The following EDIL3 variants were observed in gnomAD, a reference collection of about 807,000 sequenced individuals.
The protein encoded by EDIL3 is EGF-like repeat and discoidin I-like domain-containing protein 3.
Under a neutral mutation model 67.4 loss-of-function variants are expected in EDIL3, and 37 were observed. The ratio of observed to expected loss-of-function variants is 0.55; its 90% CI spans 0.42 to 0.72. The LOEUF (loss-of-function observed/expected upper bound fraction) is 0.72, where lower values mean the gene tolerates loss of function less well. EDIL3 is among the 30% of genes least tolerant of loss of function. The pLI is 0.00. For synonymous variants in EDIL3, 195 were observed against 196.3 expected (o/e 0.99, Z 0.05); for missense variants, 527 against 586.3 (o/e 0.90, Z 1.04).
At chr5:84,090,397 TG>T (rs1747144751) in intron 6 of EDIL3, among the ~76,000 whole-genome samples, 3 of 152,144 alleles carry the variant, frequency 2.0e-5, no homozygotes, top group African/African-American at 7.2e-5. Context: ...ACATCTTAGG[TG>T]AAGTATGTCT....
At chr5:84,148,474 T>C (rs1222133083) in intron 4 of EDIL3, among the ~76,000 whole-genome samples, 1 of 152,192 alleles carries the variant, frequency 6.6e-6, no homozygotes, top group Non-Finnish European at 1.5e-5. Flanking sequence ...TACTATTTTT[T>C]AAACTAACAC....
chr5:83,992,781 T>C (rs1225598757), intron 9 of EDIL3, among the ~76,000 whole-genome samples: 3 of 152,078 alleles, frequency 2.0e-5, no homozygotes, highest in East Asian at 3.9e-4. Context: ...AGAAATATCA[T>C]TGTAAACTAG....
At chr5:83,988,816 T>TA (rs1430840862) in intron 9 of EDIL3, among the ~76,000 whole-genome samples, 1 of 152,132 alleles carries the variant, frequency 6.6e-6, no homozygotes, top group African/African-American at 2.4e-5. Flanking sequence ...CTCCTGGAAA[T>TA]AAAATGATAC....
chr5:84,346,135 C>CTTTTTT (rs912729041), intron 1 of EDIL3, among the ~76,000 whole-genome samples: 5 of 122,894 alleles, frequency 4.1e-5, no homozygotes, highest in African/African-American at 9.2e-5. Context: ...CTTTTTTTTT[C>CTTTTTT]TTTTTTTTTT....
chr5:83,963,589 G>T (rs1369853617), intron 9 of EDIL3, among the ~76,000 whole-genome samples: 1 of 150,724 alleles, frequency 6.6e-6, no homozygotes, highest in Non-Finnish European at 1.5e-5. Flanking sequence ...CCATTTTGAA[G>T]TCAAATCATG....
chr5:84,138,045 A>C (rs1333009762), intron 4 of EDIL3, among the ~76,000 whole-genome samples: 1 of 152,228 alleles, frequency 6.6e-6, no homozygotes, highest in African/African-American at 2.4e-5. Flanking sequence ...CTAATTTTGG[A>C]CAACAGAGAA....
chr5:84,071,415 A>T (rs1427720242), intron 6 of EDIL3, among the ~76,000 whole-genome samples: 1 of 152,244 alleles, frequency 6.6e-6, no homozygotes, highest in Non-Finnish European at 1.5e-5. Context: ...TCTAATGGAG[A>T]ACAGATTCAG....
chr5:84,158,204 T>G (rs1023653361), intron 4 of EDIL3, among the ~76,000 whole-genome samples: 1 of 152,102 alleles, frequency 6.6e-6, no homozygotes, highest in African/African-American at 2.4e-5. Context: ...AGTAATATTT[T>G]GGCATTTTCA....
chr5:84,377,088 A>G (rs777414922), intron 1 of EDIL3, among the ~76,000 whole-genome samples: 2 of 152,160 alleles, frequency 1.3e-5, no homozygotes, highest in African/African-American at 2.4e-5. Context: ...GCACTTTGGG[A>G]GGCCAAGGCG....
chr5:84,169,365 C>A (rs1192119761), intron 4 of EDIL3, among the ~76,000 whole-genome samples: 1 of 151,984 alleles, frequency 6.6e-6, no homozygotes, highest in Non-Finnish European at 1.5e-5. Flanking sequence ...ATTGACATTA[C>A]TATGATAGTC....
At position 84,170,956 on chromosome 5, in the gene EDIL3, G is replaced by A. The variant is rs1215500782; in HGVS notation, c.355+9437C>T. ...ATTACAGGTGCCCACTACCATGGCT[G>A]GTTAATTTTTGTATTTTGAGGAGAG... On this transcript the variant is annotated intron_variant, in intron 4 of 10. Transcript: ENST00000296591. Among the ~76,000 whole-genome samples, 10 of 152,076 alleles carry A rather than the reference G, an allele frequency of 6.6e-5. 1 individual carries two copies. In the South Asian group the frequency reaches 2.1e-3, roughly 32 times the overall value.
At position 84,232,760 on chromosome 5, in the gene EDIL3, G is replaced by C. The variant is rs144446644; in HGVS notation, c.197-2876C>G. 6.3e-3 allele frequency among the ~76,000 whole-genome samples: 962 copies of C among 152,180 alleles called. 9 individuals are homozygous for C. The highest frequency in any genetic ancestry group is 0.021 in the African/African-American group (881 of 41,528). ...ACACTCATGAAGGCATATACACAAG[G>C]GTTACTATTGGTAATAATCCAGCTT... On this transcript the variant is annotated intron_variant, in intron 2 of 10. Coordinates refer to ENST00000296591, the MANE Select transcript of EDIL3 (RefSeq NM_005711.5).
In EDIL3 at chr5:84,235,811, T is replaced by C. The variant is rs573582705; in HGVS notation, c.197-5927A>G. 1.4e-4 allele frequency among the ~76,000 whole-genome samples: 21 copies of C among 152,090 alleles called. No homozygotes were observed. In the South Asian group the frequency reaches 4.1e-3, roughly 30 times the overall value. On this transcript the variant is annotated intron_variant, in intron 2 of 10. Coordinates refer to ENST00000296591, the MANE Select transcript of EDIL3 (RefSeq NM_005711.5). ...TAATTATATATAGTTTCTATAGCTA[T>C]ATGTCATTATATAAATCAGATTTTC...
intron 9 of EDIL3, among the ~76,000 whole-genome samples, chr5:84,042,586 A>G (rs985768434): frequency 6.6e-6 from 1 of 151,950 alleles, no homozygotes; most frequent in Non-Finnish European, 1.5e-5. Context: ...CTGGCCTGAC[A>G]CTATTTTTTT....
chr5:84,209,308 T>C (rs1054342638), intron 3 of EDIL3, among the ~76,000 whole-genome samples: 1 of 152,034 alleles, frequency 6.6e-6, no homozygotes, highest in African/African-American at 2.4e-5. Context: ...CACACCAGCA[T>C]GGCACATGTA....
intron 2 of EDIL3, among the ~76,000 whole-genome samples, chr5:84,246,034 C>A (rs1744904019): frequency 6.6e-6 from 1 of 151,956 alleles, no homozygotes; most frequent in Non-Finnish European, 1.5e-5. Context: ...GTAATCATGG[C>A]CATATATTTG....
chr5:84,123,120 C>T (rs1747808887), intron 5 of EDIL3, among the ~76,000 whole-genome samples: 1 of 151,902 alleles, frequency 6.6e-6, no homozygotes, highest in East Asian at 1.9e-4. Flanking sequence ...CCTATTACAG[C>T]ATAGTGCATT....
chr5:84,001,120 C>A lies in EDIL3; in HGVS notation c.1138-37760G>T, dbSNP rs1033913584. 1.5e-4 allele frequency among the ~76,000 whole-genome samples: 23 copies of A among 152,206 alleles called. 1 individual carries two copies. The highest frequency in any genetic ancestry group is 4.6e-4 in the Admixed American group (7 of 15,272). Reference sequence around the variant, plus strand: ...GGAGTGCAGTGGCACCATCTCAGCTCACTGCAACCTCTGCCTCCCAGGTTC... The same window carrying A: ...GGAGTGCAGTGGCACCATCTCAGCTAACTGCAACCTCTGCCTCCCAGGTTC... On this transcript the variant is annotated intron_variant, in intron 9 of 10. Transcript: ENST00000296591.
At chr5:84,012,802 A>T (rs2112182291) in intron 9 of EDIL3, among the ~76,000 whole-genome samples, 1 of 152,218 alleles carries the variant, frequency 6.6e-6, no homozygotes, top group East Asian at 1.9e-4. Context: ...AATCAAAGAA[A>T]TTCCAAATCC....
Sources: allele counts gnomAD v4.1 joint callset (sites outside exome capture counted in the v4.1 genomes callset), GRCh38; gene constraint gnomAD v4.1.1; transcripts MANE v1.5; gene names NCBI Gene and HGNC (gene_info 2026-07-23, HGNC 2026-07-21).